Variants in TATDN2 observed in about 807,000 individuals in gnomAD.
The protein encoded by TATDN2 is 3'-5' RNA nuclease TATDN2.
TATDN2 carries 44 observed loss-of-function variants against 60.3 expected under a neutral mutation model. The observed-to-expected ratio is 0.73, with a 90% CI of 0.57 to 0.94. The LOEUF (loss-of-function observed/expected upper bound fraction) is 0.94. Ranked by LOEUF, TATDN2 falls within the 40% of genes least tolerant of loss-of-function variation. The pLI is 0.00. For synonymous variants in TATDN2, 399 were observed against 355.8 expected (o/e 1.12, Z -1.37); for missense variants, 997 against 948.0 (o/e 1.05, Z -0.68).
intron 3 of TATDN2, among the ~76,000 whole-genome samples, chr3:10,269,060 G>C (rs1698519789): frequency 6.6e-6 from 1 of 152,224 alleles, no homozygotes; most frequent in South Asian, 2.1e-4. Context: ...CTGAGAGTGT[G>C]ACTGGGCTGG....
chr3:10,279,199 C>G, intron 7 of TATDN2, 22 bp from the exon 8 acceptor site: 1 of 888,848 alleles, frequency 1.1e-6, no homozygotes, highest in South Asian at 1.8e-5. Context: ...GAACCTTCTT[C>G]TTTTTCTCTT....
intron 3 of TATDN2, among the ~76,000 whole-genome samples, chr3:10,261,965 A>G (rs990962452): frequency 3.3e-5 from 5 of 152,168 alleles, no homozygotes; most frequent in Admixed American, 6.5e-5. Context: ...TGTTACTGCC[A>G]TGTTCACAGC....
At position 10,278,510 on chromosome 3, in the gene TATDN2, G is replaced by T; in HGVS notation, c.2145+48G>T. On this transcript the variant is annotated intron_variant, in intron 6 of 7. Coordinates refer to ENST00000448281, the MANE Select transcript of TATDN2 (RefSeq NM_014760.4). This position sits in a 1 kb window ranked among gnomAD's most constrained non-coding sequence, Gnocchi z 4.7. The stretch of plus-strand genomic sequence containing the variant: ...TGGAGGCACCGGAGGGAGAGGGTGG[G>T]GAGGTGGGTGGTCACCCTTACAAGG... 6.3e-7 allele frequency: 1 copy of T among 1,598,358 alleles called. No individual in the cohort carries two copies. Among genetic ancestry groups the T allele is most frequent in the Non-Finnish European group, 8.6e-7 (1 of 1,168,758 alleles).
chr3:10,274,763 T>A (rs1302542508), intron 4 of TATDN2, among the ~76,000 whole-genome samples: 1 of 152,196 alleles, frequency 6.6e-6, no homozygotes, highest in East Asian at 1.9e-4. Context: ...AAACACAGAT[T>A]AAACAAAAGT....
intron 2 of TATDN2, among the ~76,000 whole-genome samples, chr3:10,257,770 T>C (rs1244532665): frequency 6.7e-6 from 1 of 149,742 alleles, no homozygotes; most frequent in African/African-American, 2.4e-5. Flanking sequence ...AGTTAGCAGC[T>C]GCCAACAGTT....
intron 2 of TATDN2, 22 bp from the exon 3 acceptor site, chr3:10,260,115 A>G (rs375730042): frequency 3.5e-5 from 56 of 1,590,404 alleles, no homozygotes; most frequent in Non-Finnish European, 4.7e-5. Context: ...CAGCCCTTTC[A>G]ATTCTGTTTT....
At position 10,249,443 on chromosome 3, in the gene TATDN2, C is replaced by T. The variant is rs1049723695; in HGVS notation, c.243C>T (p.Ser81=). ...CATCCCGCCGCAGAAATAACTCCTC[C>T]TCCTCCTTCTCCCCACATTTCTTGG... is the stretch of plus-strand genomic sequence containing the variant. The part of the protein sequence containing the change: ...WGSSRRRNNS[S]SSFSPHFLGP... The change falls in exon 2 of 8, where the codon TCC becomes TCT. Residue 81 remains serine (S), a synonymous_variant. Coordinates refer to ENST00000448281, the MANE Select transcript of TATDN2 (RefSeq NM_014760.4). The T allele has an allele frequency of 6.2e-7, 1 of 1,613,980 alleles. No individual in the cohort carries two copies. Among genetic ancestry groups the T allele is most frequent in the Non-Finnish European group, 8.5e-7 (1 of 1,180,022 alleles).
chr3:10,266,365 C>G (rs1698474500), intron 3 of TATDN2, among the ~76,000 whole-genome samples: 1 of 152,170 alleles, frequency 6.6e-6, no homozygotes, highest in Non-Finnish European at 1.5e-5. Flanking sequence ...ACCCAAACTT[C>G]TATTTATGAG....
chr3:10,267,273 CA>C (rs71626970), intron 3 of TATDN2, among the ~76,000 whole-genome samples: 1,497 of 137,966 alleles, frequency 0.011, 10 homozygotes, highest in East Asian at 0.028. Context: ...CACCCCCCGA[CA>C]AAAAAAAAAA....
At chr3:10,277,480 T>A (rs953585244) in intron 5 of TATDN2, among the ~76,000 whole-genome samples, 23 of 152,166 alleles carry the variant, frequency 1.5e-4, no homozygotes, top group Admixed American at 1.5e-3. Context: ...AGGTGATGCC[T>A]GGCCGGCTCC....
intron 2 of TATDN2, among the ~76,000 whole-genome samples, chr3:10,257,841 A>ACTTTTTTT (rs1698334866): frequency 3.3e-5 from 1 of 30,260 alleles, no homozygotes; most frequent in Non-Finnish European, 7.0e-5. Flanking sequence ...AAGGTTTATG[A>ACTTTTTTT]TTTTTTTTTT....
At chr3:10,251,235 G>A (rs754247027) in intron 2 of TATDN2, among the ~76,000 whole-genome samples, 14 of 152,144 alleles carry the variant, frequency 9.2e-5, no homozygotes, top group Non-Finnish European at 1.8e-4. Context: ...TCGCATGACT[G>A]CCCACAATGT....
At chr3:10,264,650 A>C (rs1296578627) in intron 3 of TATDN2, among the ~76,000 whole-genome samples, 6 of 148,944 alleles carry the variant, frequency 4.0e-5, no homozygotes, top group Non-Finnish European at 8.9e-5. Context: ...CTTTTTAAAA[A>C]ATTTTTCTGG....
At chr3:10,275,796 A>G (rs915066518) in intron 4 of TATDN2, among the ~76,000 whole-genome samples, 3 of 152,202 alleles carry the variant, frequency 2.0e-5, no homozygotes, top group African/African-American at 4.8e-5. Flanking sequence ...GTTGTAGAAA[A>G]TAAGTGTAGT....
rs1227184587 is a variant in TATDN2, at chr3:10,274,122, TC to T, written c.1834-2237del. ...TACTGGGTAATAACTCATCTGTACTTCCTTCACTCCTGTTGTTTTTCAGCTG... is the reference window on the plus strand; with the variant it reads ...TACTGGGTAATAACTCATCTGTACTTCTTCACTCCTGTTGTTTTTCAGCTG... On this transcript the variant is annotated intron_variant, in intron 4 of 7. Coordinates refer to ENST00000448281, the MANE Select transcript of TATDN2 (RefSeq NM_014760.4). Among the ~76,000 whole-genome samples, 3 of 152,180 alleles carry T rather than the reference TC, an allele frequency of 2.0e-5. No homozygotes were observed. In the East Asian group the frequency reaches 5.8e-4, roughly 29 times the overall value.
chr3:10,252,365 G>T (rs1445490692), intron 2 of TATDN2, among the ~76,000 whole-genome samples: 3 of 152,060 alleles, frequency 2.0e-5, no homozygotes, highest in Non-Finnish European at 4.4e-5. Flanking sequence ...TTGCATTGTA[G>T]AAAGATCACT....
chr3:10,266,417 G>A (rs1438139792), intron 3 of TATDN2, among the ~76,000 whole-genome samples: 1 of 152,194 alleles, frequency 6.6e-6, no homozygotes, highest in Non-Finnish European at 1.5e-5. Context: ...TCTATTTGGA[G>A]ACAGCACAGT....
intron 2 of TATDN2, among the ~76,000 whole-genome samples, chr3:10,251,936 C>T (rs1211454680): frequency 6.6e-6 from 1 of 150,490 alleles, no homozygotes; most frequent in Non-Finnish European, 1.5e-5. Context: ...ATCACGAGGT[C>T]AGGAGATTGA....
chr3:10,261,135 T>A (rs564028377), intron 3 of TATDN2, among the ~76,000 whole-genome samples: 1 of 152,294 alleles, frequency 6.6e-6, no homozygotes, highest in African/African-American at 2.4e-5. Context: ...GGAGAGTGCA[T>A]TCCTTCCCTG....
Sources: allele counts gnomAD v4.1 joint callset (sites outside exome capture counted in the v4.1 genomes callset), GRCh38; gene constraint gnomAD v4.1.1; non-coding constraint Gnocchi (gnomAD v3.1); transcripts MANE v1.5; gene names NCBI Gene and HGNC (gene_info 2026-07-23, HGNC 2026-07-21).